Variants in ABCA4 observed in about 807,000 individuals in gnomAD.
The protein encoded by ABCA4 is ATP binding cassette subfamily A member 4.
A neutral mutation model predicts 263.7 loss-of-function variants in ABCA4; 196 were observed. That is an observed-to-expected ratio of 0.74 (90% CI 0.66 to 0.84). The LOEUF is 0.84. Among genes scored for constraint, ABCA4 ranks in the 40% least tolerant of loss-of-function variants. The pLI, the probability that ABCA4 is intolerant of heterozygous loss-of-function variation, is 0.00. For synonymous variants in ABCA4, 1,133 were observed against 1,094.2 expected, an observed-to-expected ratio of 1.04 and a Z score of -0.70; for missense variants, 2,792 against 2,855.1, an observed-to-expected ratio of 0.98 and a Z score of 0.50.
At chr1:94,038,712 C>T (rs1390016067) in intron 24 of ABCA4, among the ~76,000 whole-genome samples, 1 of 152,116 alleles carries the variant, frequency 6.6e-6, no homozygotes, top group Non-Finnish European at 1.5e-5. Flanking sequence ...CTGCTGGATT[C>T]CCAGGAATTG....
At chr1:94,067,994 C>T (rs1661314840) in intron 11 of ABCA4, among the ~76,000 whole-genome samples, 1 of 152,184 alleles carries the variant, frequency 6.6e-6, no homozygotes, top group Non-Finnish European at 1.5e-5. Context: ...AGTCAACAGA[C>T]TTTTAAGCCC....
intron 4 of ABCA4, among the ~76,000 whole-genome samples, chr1:94,107,817 C>T (rs1342088775): frequency 6.6e-6 from 1 of 152,196 alleles, no homozygotes; most frequent in East Asian, 1.9e-4. Flanking sequence ...ACTTTCTGAC[C>T]ACAGCCATTA....
At chr1:94,040,175 G>T in intron 23 of ABCA4, 48 bp from the exon 24 acceptor site, 2 of 1,464,578 alleles carry the variant, frequency 1.4e-6, no homozygotes, top group South Asian at 1.2e-5. Flanking sequence ...TCCCTTCCAT[G>T]ACAGCCTCTC....
At chr1:94,102,197 T>C (rs1662302304) in intron 5 of ABCA4, among the ~76,000 whole-genome samples, 1 of 152,066 alleles carries the variant, frequency 6.6e-6, no homozygotes, top group Non-Finnish European at 1.5e-5. Flanking sequence ...TCTGCATAAA[T>C]AGAGGAGATT....
chr1:94,090,175 T>C (rs1661933952), intron 6 of ABCA4, among the ~76,000 whole-genome samples: 1 of 152,236 alleles, frequency 6.6e-6, no homozygotes, highest in Non-Finnish European at 1.5e-5. Context: ...ACAGTGGCCC[T>C]GGCCAGGAAT....
intron 9 of ABCA4, 40 bp from the exon 10 acceptor site, chr1:94,078,746 G>A (rs1473959301): frequency 7.2e-7 from 1 of 1,397,050 alleles, no homozygotes; most frequent in African/African-American, 1.5e-5. Context: ...CACGAACAGA[G>A]AGAAAAGTGA....
rs986310430 is a variant in ABCA4, at chr1:94,079,247, TCTCA to T, written c.1239+71_1239+74del. The T allele has an allele frequency of 1.9e-6, 3 of 1,559,210 alleles. No homozygotes were observed. The African/African-American group carries it at 4.1e-5, about 21-fold the overall frequency. The stretch of plus-strand genomic sequence containing the variant: ...ATGTGCTACCAGGAAGGCACATCTC[TCTCA>T]CACACACACACACACACACACACTT... On this transcript the variant is annotated intron_variant, in intron 9 of 49. Transcript: ENST00000370225.
intron 41 of ABCA4, 84 bp from the exon 42 acceptor site, chr1:94,008,381 T>A (rs1659456309): frequency 2.1e-6 from 3 of 1,410,916 alleles, no homozygotes; most frequent in Non-Finnish European, 3.0e-6. Context: ...CAAAGGATGG[T>A]TTAGGAGAAA....
intron 30 of ABCA4, among the ~76,000 whole-genome samples, chr1:94,025,366 G>A (rs1660010645): frequency 6.6e-6 from 1 of 151,960 alleles, no homozygotes; most frequent in African/African-American, 2.4e-5. Context: ...CTTCCACATG[G>A]GTCTGCCTGA....
rs968025692 is a variant in ABCA4 at position 94,021,513 on chromosome 1, G to C, written c.4849-104C>G. ...AGAAGCAGGAAGGGTTTGGTAGCTG[G>C]AAGACATTCCTTGCTAGATTTCAGC... On this transcript the variant is annotated intron_variant, in intron 34 of 49. Coordinates refer to ENST00000370225, the MANE Select transcript of ABCA4 (RefSeq NM_000350.3). 5 of 1,540,002 alleles carry C rather than the reference G, an allele frequency of 3.2e-6. No homozygotes were observed. The African/African-American group carries it at 4.1e-5, about 13-fold the overall frequency.
intron 36 of ABCA4, chr1:94,018,655 G>C (rs1659805581): frequency 2.2e-6 from 1 of 452,358 alleles, no homozygotes; most frequent in Non-Finnish European, 4.4e-6. Context: ...ACATGAAATG[G>C]AGGCTCATGT....
At chr1:94,034,730 G>GT (rs1336726880) in intron 26 of ABCA4, among the ~76,000 whole-genome samples, 1 of 151,804 alleles carries the variant, frequency 6.6e-6, no homozygotes, top group Non-Finnish European at 1.5e-5. Context: ...TGTGAGCTCA[G>GT]TTCCCCCCAG....
intron 19 of ABCA4, chr1:94,045,835 CTG>C (rs1436534085): frequency 2.2e-6 from 1 of 456,308 alleles, no homozygotes; most frequent in East Asian, 6.9e-5. Flanking sequence ...GACTTGAAGA[CTG>C]TGTCACGTGG....
intron 6 of ABCA4, among the ~76,000 whole-genome samples, chr1:94,084,168 T>C (rs1175462442): frequency 6.6e-6 from 1 of 152,240 alleles, no homozygotes; most frequent in Non-Finnish European, 1.5e-5. Flanking sequence ...ACCAAGGTCA[T>C]GTCCTGTTTG....
chr1:94,046,280 T>TAAAA (rs11289565), intron 19 of ABCA4, among the ~76,000 whole-genome samples: 1 of 77,092 alleles, frequency 1.3e-5, no homozygotes, highest in African/African-American at 4.7e-5. Flanking sequence ...CTGTCTGTAC[T>TAAAA]AAAAAAAAAA....
At chr1:94,062,843 C>T in intron 12 of ABCA4, 90 bp from the exon 13 acceptor site, 1 of 1,388,686 alleles carries the variant, frequency 7.2e-7, no homozygotes, top group South Asian at 1.2e-5. Context: ...AACTCATTCT[C>T]TTAAAATCTT....
At chr1:94,056,859 C>T (rs952544277) in intron 14 of ABCA4, 37 bp from the exon 15 acceptor site, 2 of 1,519,050 alleles carry the variant, frequency 1.3e-6, no homozygotes, top group Non-Finnish European at 9.0e-7. Context: ...AACTCCTGCC[C>T]TTGGCCGGAC....
intron 42 of ABCA4, among the ~76,000 whole-genome samples, chr1:94,008,011 T>C (rs1659442687): frequency 6.6e-6 from 1 of 150,934 alleles, no homozygotes; most frequent in African/African-American, 2.4e-5. Context: ...CATTTTGAAA[T>C]AATATTTTGG....
chr1:93,994,559 A>G (rs1482426306), intron 49 of ABCA4, among the ~76,000 whole-genome samples: 1 of 152,236 alleles, frequency 6.6e-6, no homozygotes, highest in Non-Finnish European at 1.5e-5. Context: ...TTGAAGTGGT[A>G]TAATGTAAAC....
Sources: allele counts gnomAD v4.1 joint callset (sites outside exome capture counted in the v4.1 genomes callset), GRCh38; gene constraint gnomAD v4.1.1; transcripts MANE v1.5; gene names NCBI Gene and HGNC (gene_info 2026-07-23, HGNC 2026-07-21).